Variants in KLHL12 observed in about 807,000 individuals in gnomAD.
KLHL12 encodes kelch-like protein 12.
Under a neutral mutation model 60.8 loss-of-function variants are expected in KLHL12, and 17 were observed. The observed-to-expected ratio is 0.28, with a 90% CI of 0.19 to 0.42. The LOEUF (loss-of-function observed/expected upper bound fraction) is 0.42, where lower values mean the gene tolerates loss of function less well. KLHL12 is among the 10% of genes least tolerant of loss of function. KLHL12 has a pLI of 1.00. For missense variants in KLHL12, 468 were observed against 722.3 expected, an observed-to-expected ratio of 0.65 and a Z score of 4.04; for synonymous variants, 220 against 250.9, an observed-to-expected ratio of 0.88 and a Z score of 1.16.
In KLHL12 at chr1:202,894,192, T is replaced by C. The variant is rs1003357427; in HGVS notation, c.1385A>G (p.Lys462Arg). Residue 462 changes from lysine (K) to arginine (R), a missense_variant, in exon 10 of 12, where the codon AAG becomes AGG. Lys to Arg is a conservative substitution (Grantham distance 26). This residue lies in a region of KLHL12 where 339 missense variants were observed against 525.0 expected (regional missense o/e 0.65). Coordinates refer to ENST00000367261, the MANE Select transcript of KLHL12 (RefSeq NM_021633.4). ...CTCAGATCTGGTCTTACCAGAACGC[T>C]TGGTGGCCATTGGTGTAACATTAGT... ...HWTNVTPMAT[K>R]RSGAGVALLN... The C allele has an allele frequency of 3.9e-5, 60 of 1,548,478 alleles. No homozygotes were observed. The highest frequency in any genetic ancestry group is 4.9e-5 in the Non-Finnish European group (56 of 1,142,760).
chr1:202,924,640 G>C (rs902562703), intron 2 of KLHL12, among the ~76,000 whole-genome samples: 1 of 152,050 alleles, frequency 6.6e-6, no homozygotes, highest in Non-Finnish European at 1.5e-5. Flanking sequence ...AGAAAAATTG[G>C]AAGACAAATT....
chr1:202,908,768 T>C (rs1020762029), intron 6 of KLHL12, among the ~76,000 whole-genome samples: 5 of 152,234 alleles, frequency 3.3e-5, no homozygotes, highest in African/African-American at 1.2e-4. Context: ...TGACAATGTA[T>C]AAAGTGCTTT....
At chr1:202,926,956 C>T (rs1341180807) in intron 1 of KLHL12, 133 bp downstream of exon 1, 1 of 688,614 alleles carries the variant, frequency 1.5e-6, no homozygotes, top group Non-Finnish European at 1.8e-6. Flanking sequence ...ACCCCACTGC[C>T]AGCCTTCCTC....
Position 202,891,162 on chromosome 1 carries a change from A to T in KLHL12, c.*1371T>A, listed in dbSNP as rs1373112462. 1 of 152,540 alleles carries T rather than the reference A, an allele frequency of 6.6e-6. No individual in the cohort carries two copies. Among genetic ancestry groups the T allele is most frequent in the Non-Finnish European group, 1.5e-5 (1 of 68,044 alleles). The allele number at this position is 152,540 out of a possible 1,614,324, so 9.4% of individuals were successfully genotyped here. On this transcript the variant is annotated 3_prime_UTR_variant, in exon 12 of 12. Coordinates refer to ENST00000367261, the MANE Select transcript of KLHL12 (RefSeq NM_021633.4). ...TTAATATTTTCTTAAAAAAATACAA[A>T]GGAAATTAACTCTGTAGGTCAATAC...
chr1:202,908,118 T>C (rs1660251505), intron 6 of KLHL12, among the ~76,000 whole-genome samples: 1 of 152,158 alleles, frequency 6.6e-6, no homozygotes, highest in African/African-American at 2.4e-5. Context: ...TTTTGGACAG[T>C]GAAGCAAAGA....
chr1:202,923,572 G>A (rs113751053), intron 2 of KLHL12, among the ~76,000 whole-genome samples: 14 of 152,202 alleles, frequency 9.2e-5, no homozygotes, highest in African/African-American at 3.1e-4. Context: ...AGGCTAAGGC[G>A]GCACAAGAGT....
In KLHL12 at chr1:202,903,629, C is replaced by CTTTCTTTTTTTTTT. The variant is rs1660088097; in HGVS notation, c.832+5380_832+5381insAAAAAAAAAAGAAA. Among the ~76,000 whole-genome samples, 8 of 76,088 alleles carry CTTTCTTTTTTTTTT rather than the reference C, an allele frequency of 1.1e-4. 1 individual carries two copies. The highest frequency in any genetic ancestry group is 2.0e-4 in the Non-Finnish European group (8 of 39,930). The allele number at this position is 76,088 out of a possible 152,430, so 49.9% of individuals were successfully genotyped here. ...CTGGGACCACTAATTTTTTTCTTTT[C>CTTTCTTTTTTTTTT]TTTTTTTTTTTGAAACGGCGTCTTG... is the stretch of plus-strand genomic sequence containing the variant. On this transcript the variant is annotated intron_variant, in intron 6 of 11. Transcript: ENST00000367261.
intron 6 of KLHL12, among the ~76,000 whole-genome samples, chr1:202,903,992 GTATCTATC>G (rs566027420): frequency 3.5e-5 from 5 of 141,502 alleles, no homozygotes; most frequent in Admixed American, 1.4e-4. Context: ...ATCTATCTAT[GTATCTATC>G]TATCTATCTA....
rs557300053 is a variant in KLHL12, at chr1:202,927,225, G to T, written c.-182C>A. ...CGGAGGCTCTGGAGGCTCTGGAGCC[G>T]TCCGGGTCTGGCCCCTGCGGCCGCG... On this transcript the variant is annotated 5_prime_UTR_variant, in exon 1 of 12. Transcript: ENST00000367261. 4.1e-6 allele frequency: 4 copies of T among 985,034 alleles called. No homozygotes were observed. In the African/African-American group the frequency reaches 5.2e-5, roughly 13 times the overall value. 61.0% of individuals were successfully genotyped at this position (985,034 alleles called of 1,614,324 possible).
upstream of KLHL12, among the ~76,000 whole-genome samples, chr1:202,927,997 A>AT (rs34751045): frequency 3.8e-5 from 4 of 105,054 alleles, no homozygotes; most frequent in Non-Finnish European, 6.0e-5. Context: ...AAAAAAAAAA[A>AT]GGCCAGGCGA....
chr1:202,906,255 C>T (rs1015478115), intron 6 of KLHL12, among the ~76,000 whole-genome samples: 4 of 149,814 alleles, frequency 2.7e-5, no homozygotes, highest in African/African-American at 7.3e-5. Flanking sequence ...GAGTCCGAGA[C>T]CAGCCTGGCC....
At chr1:202,911,646 T>C (rs1338245635) in intron 4 of KLHL12, among the ~76,000 whole-genome samples, 2 of 152,150 alleles carry the variant, frequency 1.3e-5, no homozygotes, top group Non-Finnish European at 2.9e-5. Context: ...AAGTCATAAT[T>C]GTTATCTAAT....
chr1:202,906,136 A>C (rs1341327960), intron 6 of KLHL12, among the ~76,000 whole-genome samples: 2 of 145,602 alleles, frequency 1.4e-5, no homozygotes, highest in Non-Finnish European at 3.0e-5. Flanking sequence ...CCAATTTTTA[A>C]AAATAATAAT....
chr1:202,907,328 A>C (rs1259252425), intron 6 of KLHL12, among the ~76,000 whole-genome samples: 1 of 152,176 alleles, frequency 6.6e-6, no homozygotes, highest in Non-Finnish European at 1.5e-5. Context: ...GGAGCCAGGC[A>C]TGGTGGCTCA....
intron 6 of KLHL12, among the ~76,000 whole-genome samples, chr1:202,905,809 A>G (rs1370025828): frequency 6.6e-6 from 1 of 151,138 alleles, no homozygotes; most frequent in Non-Finnish European, 1.5e-5. Context: ...GGGATACCCA[A>G]CCCGATTTTT....
intron 4 of KLHL12, among the ~76,000 whole-genome samples, chr1:202,914,066 G>A (rs897830512): frequency 5.3e-5 from 8 of 152,176 alleles, no homozygotes; most frequent in African/African-American, 1.9e-4. Flanking sequence ...GTGAATGAGG[G>A]TGATAGAGGA....
rs1280255404 is a variant in KLHL12 at position 202,892,182 on chromosome 1, A to G, written c.*351T>C. The G allele has an allele frequency of 3.9e-5, 7 of 177,958 alleles. No homozygotes were observed. Among genetic ancestry groups the G allele is most frequent in the Non-Finnish European group, 5.8e-5 (5 of 85,530 alleles). The allele number at this position is 177,958 out of a possible 1,614,324, so 11.0% of individuals were successfully genotyped here. On this transcript the variant is annotated 3_prime_UTR_variant, in exon 12 of 12. Transcript: ENST00000367261. ...TGCCCATATCTAGTAGGCTATACTC[A>G]CCTTAGTTCTTTGCAACATATGAGG...
At chr1:202,896,406 G>T (rs1355226522) in intron 7 of KLHL12, among the ~76,000 whole-genome samples, 1 of 152,086 alleles carries the variant, frequency 6.6e-6, no homozygotes, top group Non-Finnish European at 1.5e-5. Flanking sequence ...GCCCAGGCTG[G>T]TCTTGAACTC....
chr1:202,920,799 C>T (rs988638945), intron 2 of KLHL12, among the ~76,000 whole-genome samples: 1 of 152,026 alleles, frequency 6.6e-6, no homozygotes, highest in Non-Finnish European at 1.5e-5. Flanking sequence ...AGTAATTTTG[C>T]CAGTGAATAA....
Sources: allele counts gnomAD v4.1 joint callset (sites outside exome capture counted in the v4.1 genomes callset), GRCh38; gene constraint gnomAD v4.1.1; regional missense constraint gnomAD v4.1.1; transcripts MANE v1.5; gene names NCBI Gene and HGNC (gene_info 2026-07-23, HGNC 2026-07-21).